The following PARD3B variants were observed in gnomAD, a reference collection of about 807,000 sequenced individuals.
The protein encoded by PARD3B is partitioning defective 3 homolog B.
In PARD3B, 103 loss-of-function variants were observed where a neutral mutation model predicts 130.2. The observed-to-expected ratio is 0.79, with a 90% CI of 0.67 to 0.93. The LOEUF (loss-of-function observed/expected upper bound fraction) is 0.93. Among genes scored for constraint, PARD3B ranks in the 40% least tolerant of loss-of-function variants. The pLI is 0.00. For missense variants in PARD3B, 1,609 were observed against 1,499.2 expected, an observed-to-expected ratio of 1.07 and a Z score of -1.21; for synonymous variants, 583 against 553.2, an observed-to-expected ratio of 1.05 and a Z score of -0.76.
chr2:205,305,736 G>A (rs1417841778), intron 18 of PARD3B, among the ~76,000 whole-genome samples: 1 of 152,096 alleles, frequency 6.6e-6, no homozygotes, highest in Admixed American at 6.5e-5. Context: ...TTGTCTCAGT[G>A]TCTTCATCTG....
chr2:204,824,592 A>G (rs2043496867), intron 2 of PARD3B, among the ~76,000 whole-genome samples: 1 of 152,146 alleles, frequency 6.6e-6, no homozygotes, highest in South Asian at 2.1e-4. Flanking sequence ...TCCATCACAT[A>G]GTCTTCTTCC....
chr2:205,482,039 G>A (rs1006241753), intron 20 of PARD3B, among the ~76,000 whole-genome samples: 6 of 152,102 alleles, frequency 3.9e-5, no homozygotes, highest in Non-Finnish European at 8.8e-5. Flanking sequence ...TCATGCAGGC[G>A]GGCTCTGTTG....
chr2:205,240,566 C>T (rs1034379878), intron 15 of PARD3B, among the ~76,000 whole-genome samples: 4 of 152,084 alleles, frequency 2.6e-5, no homozygotes, highest in African/African-American at 4.8e-5. Flanking sequence ...ATTCCCCATT[C>T]GTGATATAGT....
intron 18 of PARD3B, among the ~76,000 whole-genome samples, chr2:205,326,894 A>G (rs1230311672): frequency 6.6e-6 from 1 of 152,212 alleles, no homozygotes; most frequent in South Asian, 2.1e-4. Flanking sequence ...TAATCAGACT[A>G]GACAAATGCT....
chr2:204,874,361 G>A (rs989872927), intron 2 of PARD3B, among the ~76,000 whole-genome samples: 1 of 152,088 alleles, frequency 6.6e-6, no homozygotes, highest in Admixed American at 6.6e-5. Flanking sequence ...AAGCACTCCT[G>A]AACAATTTTA....
intron 12 of PARD3B, among the ~76,000 whole-genome samples, chr2:205,172,653 T>G (rs995664606): frequency 6.6e-6 from 1 of 152,212 alleles, no homozygotes; most frequent in Non-Finnish European, 1.5e-5. Flanking sequence ...ATAAACATCT[T>G]TATATACTTT....
At chr2:204,656,008 G>A (rs965687206) in intron 1 of PARD3B, among the ~76,000 whole-genome samples, 5 of 152,022 alleles carry the variant, frequency 3.3e-5, no homozygotes, top group Non-Finnish European at 7.4e-5. Flanking sequence ...CAGCAGGCTA[G>A]TCTGGGCCTT....
rs1254199310 is a variant in PARD3B, at chr2:204,887,986, T to C, written c.223-77166T>C. Among the ~76,000 whole-genome samples the C allele has an allele frequency of 6.6e-6, 1 of 152,174 alleles. No homozygotes were observed. Among genetic ancestry groups the C allele is most frequent in the East Asian group, 1.9e-4 (1 of 5,162 alleles). On this transcript the variant is annotated intron_variant, in intron 2 of 22. Coordinates refer to ENST00000406610, the MANE Select transcript of PARD3B (RefSeq NM_001302769.2). The surrounding 1 kb of genome is among the most constrained non-coding windows in gnomAD (Gnocchi z 4.2). ...ACTGTTAAGACCCCAGCATTCCAAC[T>C]GGGAGGGATCATTGGTGAAGTGTCA...
intron 10 of PARD3B, among the ~76,000 whole-genome samples, chr2:205,150,349 C>T (rs975933526): frequency 1.5e-4 from 23 of 151,382 alleles, no homozygotes; most frequent in Admixed American, 1.3e-3. Context: ...CTTGGGGGTT[C>T]GTCATATCAC....
chr2:204,866,361 T>C (rs1472491032), intron 2 of PARD3B, among the ~76,000 whole-genome samples: 2 of 152,136 alleles, frequency 1.3e-5, no homozygotes, highest in Non-Finnish European at 2.9e-5. Flanking sequence ...AATGAAACAC[T>C]AAAATAGGGA....
At position 204,788,195 on chromosome 2, in the gene PARD3B, G is replaced by A. The variant is rs910532944; in HGVS notation, c.222+101913G>A. 1.8e-4 allele frequency among the ~76,000 whole-genome samples: 28 copies of A among 152,170 alleles called. 1 individual carries two copies. The highest frequency in any genetic ancestry group is 1.5e-5 in the Non-Finnish European group (1 of 68,036). On this transcript the variant is annotated intron_variant, in intron 2 of 22. Coordinates refer to ENST00000406610, the MANE Select transcript of PARD3B (RefSeq NM_001302769.2). Reference sequence around the variant, plus strand: ...TAGTTTAATGGACTCTGTTGGAAAGGCAAACACCCTTAACAGGGAAAGTGG... The same window carrying A: ...TAGTTTAATGGACTCTGTTGGAAAGACAAACACCCTTAACAGGGAAAGTGG...
chr2:205,441,790 T>C (rs1469237746), intron 20 of PARD3B, among the ~76,000 whole-genome samples: 1 of 152,184 alleles, frequency 6.6e-6, no homozygotes. Flanking sequence ...TCAGAGCCTT[T>C]CCAATAACCA....
At chr2:205,517,318 T>A (rs2216110) in intron 21 of PARD3B, among the ~76,000 whole-genome samples, 62,805 of 151,856 alleles carry the variant, frequency 0.41, 13,504 homozygotes, top group Admixed American at 0.52. Context: ...AGGGTATATG[T>A]GTCCAGGAAT....
At chr2:205,237,142 C>T (rs542139561) in intron 15 of PARD3B, among the ~76,000 whole-genome samples, 1 of 152,274 alleles carries the variant, frequency 6.6e-6, no homozygotes, top group African/African-American at 2.4e-5. Flanking sequence ...CCTTGTCGTC[C>T]AGGCTAGGGT....
chr2:205,362,477 G>A (rs955581528), intron 18 of PARD3B, among the ~76,000 whole-genome samples: 3 of 152,182 alleles, frequency 2.0e-5, no homozygotes, highest in Admixed American at 6.5e-5. Context: ...CAAAGAATGT[G>A]TGTTCTGTTC....
At chr2:205,540,036 T>A (rs1042972978) in intron 21 of PARD3B, among the ~76,000 whole-genome samples, 4 of 152,124 alleles carry the variant, frequency 2.6e-5, no homozygotes, top group Admixed American at 6.6e-5. Flanking sequence ...TGGGAGAGGG[T>A]TCCTAGAAAC....
At chr2:205,502,703 A>G (rs954016127) in intron 21 of PARD3B, among the ~76,000 whole-genome samples, 1 of 152,342 alleles carries the variant, frequency 6.6e-6, no homozygotes, top group East Asian at 1.9e-4. Context: ...CCATTTCAAA[A>G]TAGGCTAGCA....
rs921503780 is a variant in PARD3B, at chr2:205,572,467, G to A, written c.3260+19064G>A. 2.6e-5 allele frequency among the ~76,000 whole-genome samples: 4 copies of A among 152,094 alleles called. No individual in the cohort carries two copies. Among genetic ancestry groups the A allele is most frequent in the Non-Finnish European group, 2.9e-5 (2 of 68,012 alleles). ...GGAAAATAAATTGGAGAGACAGGCC[G>A]GGTGCGGTGGTGCACGCCTGTAATC... is the stretch of plus-strand genomic sequence containing the variant. On this transcript the variant is annotated intron_variant, in intron 22 of 22. Transcript: ENST00000406610. The surrounding 1 kb of genome is among the most constrained non-coding windows in gnomAD (Gnocchi z 4.2).
intron 4 of PARD3B, among the ~76,000 whole-genome samples, chr2:205,058,298 A>C (rs559047672): frequency 6.6e-6 from 1 of 151,898 alleles, no homozygotes; most frequent in East Asian, 1.9e-4. Context: ...ACTCTGTTGT[A>C]TTTGTATACA....
Sources: gnomAD v4.1 joint callset for allele counts (sites outside exome capture counted in the v4.1 genomes callset) on GRCh38, gnomAD v4.1.1 for gene constraint, Gnocchi (gnomAD v3.1) non-coding constraint, MANE v1.5 for transcripts, NCBI Gene and HGNC (gene_info 2026-07-23, HGNC 2026-07-21) for gene names.